CSMD1: variants seen among roughly 807,000 people sequenced by gnomAD.
CSMD1 encodes CUB and Sushi multiple domains 1, also known as CUB and sushi domain-containing protein 1.
CSMD1 carries 213 observed loss-of-function variants against 417.5 expected under a neutral mutation model. The observed-to-expected ratio is 0.51, with a 90% CI of 0.46 to 0.57. The LOEUF (loss-of-function observed/expected upper bound fraction) is 0.57. CSMD1 is among the 20% of genes least tolerant of loss of function. The pLI, the probability that CSMD1 is intolerant of heterozygous loss-of-function variation, is 0.00. For synonymous variants in CSMD1, 2,862 were observed against 1,736.8 expected, an observed-to-expected ratio of 1.65 and a Z score of -16.11; for missense variants, 6,923 against 4,529.7, an observed-to-expected ratio of 1.53 and a Z score of -15.17.
chr8:4,486,939 G>T (rs1048979312), intron 2 of CSMD1, among the ~76,000 whole-genome samples: 4 of 152,104 alleles, frequency 2.6e-5, no homozygotes, highest in African/African-American at 9.7e-5. Flanking sequence ...AGCAGGCAGG[G>T]TCCTAAATGG....
chr8:4,553,232 C>T (rs1042428156), intron 2 of CSMD1, among the ~76,000 whole-genome samples: 5 of 152,186 alleles, frequency 3.3e-5, no homozygotes, highest in African/African-American at 1.2e-4. Flanking sequence ...AAAATCTGGA[C>T]AGTCTGCAAC....
intron 5 of CSMD1, among the ~76,000 whole-genome samples, chr8:3,952,512 C>T (rs953939092): frequency 6.6e-6 from 1 of 152,104 alleles, no homozygotes; most frequent in Non-Finnish European, 1.5e-5. Flanking sequence ...GCCACATAAA[C>T]AAAACCTCCT....
intron 1 of CSMD1, among the ~76,000 whole-genome samples, chr8:4,984,939 C>A (rs1334009313): frequency 2.0e-5 from 3 of 152,138 alleles, no homozygotes; most frequent in Admixed American, 2.0e-4. Context: ...CGGAAGACCA[C>A]TGGCAAAGTC....
intron 1 of CSMD1, among the ~76,000 whole-genome samples, chr8:4,872,235 T>C (rs978203862): frequency 1.1e-4 from 17 of 152,074 alleles, no homozygotes; most frequent in Non-Finnish European, 1.5e-5. Context: ...ACGACAATAT[T>C]TACTTCCTTT....
rs74606980 is a variant in CSMD1, at chr8:4,399,609, T to C, written c.415+20344A>G. On this transcript the variant is annotated intron_variant, in intron 3 of 69. Transcript: ENST00000635120. The stretch of plus-strand genomic sequence containing the variant: ...CCCCTGGATCTTGCCATATTTGTAG[T>C]TGTAACACCATCCTAGATGTCAACA... Among the ~76,000 whole-genome samples, 175 of 152,214 alleles carry C rather than the reference T, an allele frequency of 1.1e-3. 3 individuals carry two copies. The East Asian group carries it at 0.029, about 25-fold the overall frequency.
intron 7 of CSMD1, among the ~76,000 whole-genome samples, chr8:3,654,555 G>A (rs755768917): frequency 4.6e-5 from 7 of 152,122 alleles, no homozygotes; most frequent in African/African-American, 1.4e-4. Context: ...ATGATTATAC[G>A]GAGAGTTTAG....
chr8:3,599,056 G>A (rs1369956337), intron 8 of CSMD1, among the ~76,000 whole-genome samples: 5 of 152,194 alleles, frequency 3.3e-5, no homozygotes, highest in African/African-American at 1.2e-4. Flanking sequence ...ACTCCAGCCT[G>A]GGTGTCAGAG....
chr8:3,670,917 T>TATATGTATATGGGATAC (rs1798985343), intron 7 of CSMD1, among the ~76,000 whole-genome samples: 1 of 146,278 alleles, frequency 6.8e-6, no homozygotes, highest in African/African-American at 2.5e-5. Flanking sequence ...ATATGGGATA[T>TATATGTATATGGGATAC]ATATGTATAT....
At chr8:4,209,246 G>A (rs1254055341) in intron 3 of CSMD1, among the ~76,000 whole-genome samples, 8 of 152,138 alleles carry the variant, frequency 5.3e-5, no homozygotes, top group Admixed American at 3.3e-4. Flanking sequence ...ATTTCTAAAC[G>A]AAAAAGAGGC....
intron 5 of CSMD1, among the ~76,000 whole-genome samples, chr8:3,881,799 A>C (rs542726402): frequency 1.3e-5 from 2 of 152,262 alleles, no homozygotes; most frequent in South Asian, 4.1e-4. Flanking sequence ...AAAGACAGCT[A>C]AGCAAAGGGA....
intron 1 of CSMD1, among the ~76,000 whole-genome samples, chr8:4,823,567 C>A (rs1332196752): frequency 6.6e-6 from 1 of 152,050 alleles, no homozygotes; most frequent in Admixed American, 6.6e-5. Flanking sequence ...AGTATATGAG[C>A]CCAGTACACA....
chr8:3,159,245 G>T (rs564430087), intron 38 of CSMD1, among the ~76,000 whole-genome samples: 1 of 152,176 alleles, frequency 6.6e-6, no homozygotes, highest in South Asian at 2.1e-4. Flanking sequence ...GTAATATTCT[G>T]CTATTGATTT....
At chr8:4,120,332 C>T (rs13271269) in intron 3 of CSMD1, among the ~76,000 whole-genome samples, 150,688 of 152,324 alleles carry the variant, frequency 0.99, 74,560 homozygotes, top group East Asian at 1. Flanking sequence ...GATTACTTAG[C>T]TATAAGATAA....
intron 1 of CSMD1, among the ~76,000 whole-genome samples, chr8:4,914,456 T>C (rs1436112334): frequency 1.3e-5 from 2 of 151,752 alleles, no homozygotes; most frequent in African/African-American, 4.8e-5. Flanking sequence ...CGGGCCCCTG[T>C]AGTCCCAGCT....
At chr8:3,710,561 T>A (rs1198085251) in intron 6 of CSMD1, among the ~76,000 whole-genome samples, 1 of 152,176 alleles carries the variant, frequency 6.6e-6, no homozygotes. Flanking sequence ...CTTCCCTCAC[T>A]GATGTCACTA....
intron 3 of CSMD1, among the ~76,000 whole-genome samples, chr8:4,381,957 C>T (rs1476791439): frequency 6.6e-6 from 1 of 152,042 alleles, no homozygotes; most frequent in Admixed American, 6.6e-5. Flanking sequence ...AATAACTGCA[C>T]TAAGTGGACA....
At position 4,020,317 on chromosome 8, in the gene CSMD1, C is replaced by T. The variant is rs142310335; in HGVS notation, c.610+11588G>A. Among the ~76,000 whole-genome samples the T allele has an allele frequency of 5.9e-5, 9 of 152,346 alleles. No homozygotes were observed. The South Asian group carries it at 6.2e-4, about 11-fold the overall frequency. ...AGCTGCTGAACAAGCTGTTTCACCA[C>T]GACAAGCACTTTAATCCCCTTCTTT... On this transcript the variant is annotated intron_variant, in intron 4 of 69. Transcript: ENST00000635120.
At chr8:4,939,402 G>A (rs772910647) in intron 1 of CSMD1, among the ~76,000 whole-genome samples, 12 of 152,186 alleles carry the variant, frequency 7.9e-5, no homozygotes, top group Non-Finnish European at 1.8e-4. Flanking sequence ...CAACCTCAGT[G>A]ACCCTCAACA....
chr8:4,579,207 C>T (rs908219063), intron 2 of CSMD1, among the ~76,000 whole-genome samples: 7 of 151,598 alleles, frequency 4.6e-5, no homozygotes, highest in South Asian at 2.1e-4. Flanking sequence ...GTTGCTCTGA[C>T]GGAATCAGGA....
Sources: allele counts gnomAD v4.1 joint callset (sites outside exome capture counted in the v4.1 genomes callset), GRCh38; gene constraint gnomAD v4.1.1; transcripts MANE v1.5; gene names NCBI Gene and HGNC (gene_info 2026-07-23, HGNC 2026-07-21).